TANGO2: variants seen among roughly 807,000 people sequenced by gnomAD.
The protein encoded by TANGO2 is transport and Golgi organization protein 2 homolog.
Under a neutral mutation model 39.1 loss-of-function variants are expected in TANGO2, and 26 were observed. That is an observed-to-expected ratio of 0.67 (90% CI 0.49 to 0.92). TANGO2 has a LOEUF of 0.92. Ranked by LOEUF, TANGO2 falls within the 40% of genes least tolerant of loss-of-function variation. TANGO2 has a pLI of 0.00. For missense variants in TANGO2, 326 were observed against 360.1 expected (o/e 0.91, Z 0.77); for synonymous variants, 131 against 144.5 (o/e 0.91, Z 0.67).
chr22:20,021,959 C>T (rs1194608199), intron 1 of TANGO2, among the ~76,000 whole-genome samples: 1 of 152,270 alleles, frequency 6.6e-6, no homozygotes, highest in African/African-American at 2.4e-5. Context: ...AGGAATGTCA[C>T]ATGCCCTGCC....
At chr22:20,029,776 C>T (rs2041486894) in intron 1 of TANGO2, among the ~76,000 whole-genome samples, 2 of 152,200 alleles carry the variant, frequency 1.3e-5, no homozygotes, top group East Asian at 1.9e-4. Flanking sequence ...ATTAGTTCCC[C>T]GGCCTCCCTG....
At chr22:20,051,211 C>A (rs779725522) in intron 3 of TANGO2, among the ~76,000 whole-genome samples, 1 of 151,548 alleles carries the variant, frequency 6.6e-6, no homozygotes, top group Non-Finnish European at 1.5e-5. Flanking sequence ...TTTTCTTTTT[C>A]TGTTATAATT....
In TANGO2 at chr22:20,063,233, G is replaced by A. The variant is rs1034858240; in HGVS notation, c.606-105G>A. The A allele has an allele frequency of 4.0e-5, 33 of 827,002 alleles. No individual in the cohort carries two copies. The East Asian group carries it at 6.6e-4, about 16-fold the overall frequency. 51.2% of individuals were successfully genotyped at this position (827,002 alleles called of 1,614,324 possible). A position where few individuals can be genotyped will look rare whatever the true frequency, so the allele number is the denominator to read the frequency against. The stretch of plus-strand genomic sequence containing the variant: ...AAAGAAACAACCCTTGCAGTTCCCC[G>A]GCCACTCCCCAGAGCCAGTTAGGCC... On this transcript the variant is annotated intron_variant, in intron 7 of 8. Transcript: ENST00000327374.
intron 2 of TANGO2, among the ~76,000 whole-genome samples, chr22:20,038,974 TC>T (rs2043379937): frequency 6.6e-6 from 1 of 151,704 alleles, no homozygotes; most frequent in African/African-American, 2.4e-5. Context: ...AGGATCTTGC[TC>T]TGTTGCCCAG....
rs143582761 is a variant in TANGO2 at position 20,048,591 on chromosome 22, A to G, written c.146-3874A>G. ...TGTAAGAGTTATTTACCCATTCTGG[A>G]TATGAGTCCTTTGTGCCTACTCATT... On this transcript the variant is annotated intron_variant, in intron 3 of 8. Coordinates refer to ENST00000327374, the MANE Select transcript of TANGO2 (RefSeq NM_152906.7). Among the ~76,000 whole-genome samples the G allele has an allele frequency of 2.3e-3, 352 of 152,108 alleles. 2 individuals carry two copies. Among genetic ancestry groups the G allele is most frequent in the South Asian group, 0.013 (62 of 4,824 alleles).
intron 5 of TANGO2, chr22:20,053,853 C>A: frequency 2.3e-6 from 1 of 441,354 alleles, no homozygotes; most frequent in Non-Finnish European, 4.5e-6. Context: ...CTCCCACGGG[C>A]AGGCTGTGCA....
chr22:20,057,613 C>G lies in TANGO2; in HGVS notation c.451+1600C>G, dbSNP rs1432150740. ...ACTACCAGCGAGGCAGGGATGTGGC[C>G]CCAGAAGGTCCTGAGCTTGCAAAGG... On this transcript the variant is annotated intron_variant, in intron 6 of 8. Coordinates refer to ENST00000327374, the MANE Select transcript of TANGO2 (RefSeq NM_152906.7). This position sits in a 1 kb window ranked among gnomAD's most constrained non-coding sequence, Gnocchi z 4.1. 6.6e-6 allele frequency among the ~76,000 whole-genome samples: 1 copy of G among 152,176 alleles called. No homozygotes were observed. Among genetic ancestry groups the G allele is most frequent in the Non-Finnish European group, 1.5e-5 (1 of 68,022 alleles).
chr22:20,054,116 T>G (rs2046921042), intron 5 of TANGO2: 1 of 265,738 alleles, frequency 3.8e-6, no homozygotes, highest in Admixed American at 5.1e-5. Context: ...TGAAGCTGCC[T>G]CCTTCCACAA....
At chr22:20,053,634 A>G (rs774161392) in intron 5 of TANGO2, 83 bp downstream of exon 5, 2 of 915,352 alleles carry the variant, frequency 2.2e-6, no homozygotes, top group South Asian at 2.7e-5. Context: ...GTGGGGTTCC[A>G]CTGGGGGCTG....
At chr22:20,031,170 C>A (rs1165039316) in intron 1 of TANGO2, among the ~76,000 whole-genome samples, 3 of 151,464 alleles carry the variant, frequency 2.0e-5, no homozygotes, top group Non-Finnish European at 4.4e-5. Context: ...TGCACTCCAG[C>A]CTAGGTGACA....
upstream of TANGO2, among the ~76,000 whole-genome samples, chr22:20,020,409 G>A (rs2039483842): frequency 6.6e-6 from 1 of 152,046 alleles, no homozygotes; most frequent in Non-Finnish European, 1.5e-5. Context: ...CTGTTGGGAG[G>A]GCCCCAGTCA....
At chr22:20,055,847 C>G in intron 5 of TANGO2, 96 bp from the exon 6 acceptor site, 1 of 1,141,110 alleles carries the variant, frequency 8.8e-7, no homozygotes, top group South Asian at 1.3e-5. Flanking sequence ...CTGCGCACAT[C>G]GCTAGCCTCC....
intron 1 of TANGO2, among the ~76,000 whole-genome samples, chr22:20,023,131 A>G (rs1250455785): frequency 6.6e-6 from 1 of 152,220 alleles, no homozygotes; most frequent in East Asian, 1.9e-4. Flanking sequence ...TAGTTTATGC[A>G]TGCTTAAAGA....
chr22:20,018,326 C>T (rs185114953), upstream of TANGO2, among the ~76,000 whole-genome samples: 12 of 152,356 alleles, frequency 7.9e-5, no homozygotes, highest in Admixed American at 7.2e-4. Flanking sequence ...CCCTCACAAA[C>T]CAGGTAGCTG....
chr22:20,063,745 T>C (rs2048808293), intron 8 of TANGO2: 3 of 354,732 alleles, frequency 8.5e-6, no homozygotes, highest in East Asian at 9.2e-5. Context: ...GCACTAGGCC[T>C]GCAGGCTGTA....
At chr22:20,038,561 G>T (rs1012998576) in intron 2 of TANGO2, among the ~76,000 whole-genome samples, 2 of 152,204 alleles carry the variant, frequency 1.3e-5, no homozygotes, top group African/African-American at 4.8e-5. Flanking sequence ...CCCGTGTGTT[G>T]CTGCCAGGAC....
At chr22:20,036,445 G>GC (rs1269980017) in intron 1 of TANGO2, among the ~76,000 whole-genome samples, 2 of 152,258 alleles carry the variant, frequency 1.3e-5, no homozygotes, top group Admixed American at 6.5e-5. Context: ...CACTTCTGCT[G>GC]CCCCCCGGGG....
At chr22:20,030,853 T>A (rs1341507512) in intron 1 of TANGO2, among the ~76,000 whole-genome samples, 2 of 152,142 alleles carry the variant, frequency 1.3e-5, no homozygotes, top group African/African-American at 4.8e-5. Context: ...CTTCAGCCCA[T>A]GAGTTTGAGA....
rs568251187 is a variant in TANGO2 at position 20,049,490 on chromosome 22, G to A, written c.146-2975G>A. 1.9e-3 allele frequency among the ~76,000 whole-genome samples: 288 copies of A among 152,050 alleles called. 1 individual carries two copies. The highest frequency in any genetic ancestry group is 1.6e-3 in the Non-Finnish European group (108 of 67,986). On this transcript the variant is annotated intron_variant, in intron 3 of 8. Coordinates refer to ENST00000327374, the MANE Select transcript of TANGO2 (RefSeq NM_152906.7). The stretch of plus-strand genomic sequence containing the variant: ...AGCCTGACCAACATGGAGAAACCCC[G>A]TCTCTACTAAAAATACAAAATTAGC...
Sources: allele counts gnomAD v4.1 joint callset (sites outside exome capture counted in the v4.1 genomes callset), GRCh38; gene constraint gnomAD v4.1.1; non-coding constraint Gnocchi (gnomAD v3.1); transcripts MANE v1.5; gene names NCBI Gene and HGNC (gene_info 2026-07-23, HGNC 2026-07-21).